The following ROBO2 variants were observed in gnomAD, a reference collection of about 807,000 sequenced individuals.
ROBO2 encodes the protein roundabout guidance receptor 2.
A neutral mutation model predicts 160.8 loss-of-function variants in ROBO2; 53 were observed. The observed-to-expected ratio is 0.33, with a 90% CI of 0.26 to 0.41. The LOEUF is 0.41. Ranked by LOEUF, ROBO2 falls within the 10% of genes least tolerant of loss-of-function variation. The pLI is 1.00. For missense variants in ROBO2, 1,577 were observed against 1,722.4 expected (o/e 0.92, Z 1.49); for synonymous variants, 664 against 611.7 (o/e 1.09, Z -1.26).
Position 77,496,592 on chromosome 3 carries a change from G to A in ROBO2, c.806+3210G>A, listed in dbSNP as rs182905869. On this transcript the variant is annotated intron_variant, in intron 5 of 25. Coordinates refer to ENST00000461745, the Ensembl canonical transcript of ROBO2. ...TGGTGTGGTGCATGACATTTCTTTG[G>A]CTTAACATTTAATGAAATTTGAATA... Among the ~76,000 whole-genome samples, 34 of 152,200 alleles carry A rather than the reference G, an allele frequency of 2.2e-4. No individual in the cohort carries two copies. In the East Asian group the frequency reaches 6.4e-3, roughly 29 times the overall value.
At chr3:76,140,010 A>G (rs529791778) in intron 2 of ROBO2, among the ~76,000 whole-genome samples, 3 of 152,246 alleles carry the variant, frequency 2.0e-5, no homozygotes, top group East Asian at 3.9e-4. Flanking sequence ...CTATTTGATA[A>G]ATGAAATTGG....
At chr3:76,239,568 G>A (rs1200185506) in intron 2 of ROBO2, among the ~76,000 whole-genome samples, 1 of 152,028 alleles carries the variant, frequency 6.6e-6, no homozygotes, top group Non-Finnish European at 1.5e-5. Context: ...TTGACCTTGG[G>A]CACATGTGTG....
chr3:77,525,781 G>A (rs1274849824), intron 6 of ROBO2, among the ~76,000 whole-genome samples: 1 of 147,816 alleles, frequency 6.8e-6, no homozygotes, highest in Non-Finnish European at 1.5e-5. Flanking sequence ...TCTCACCACA[G>A]TTTCTTTTTT....
intron 2 of ROBO2, among the ~76,000 whole-genome samples, chr3:77,336,113 G>C (rs1162259325): frequency 6.6e-6 from 1 of 152,176 alleles, no homozygotes; most frequent in Non-Finnish European, 1.5e-5. Flanking sequence ...TAATCAATGG[G>C]CAGAAATATG....
chr3:76,347,134 A>C (rs1263790006), intron 2 of ROBO2, among the ~76,000 whole-genome samples: 1 of 152,158 alleles, frequency 6.6e-6, no homozygotes, highest in African/African-American at 2.4e-5. Context: ...AAATTACTGG[A>C]AGACACACTA....
At chr3:77,180,224 C>G (rs966428112) in intron 2 of ROBO2, among the ~76,000 whole-genome samples, 3 of 151,802 alleles carry the variant, frequency 2.0e-5, no homozygotes, top group Admixed American at 1.3e-4. Flanking sequence ...TGTATAAATT[C>G]TATGTTGCAG....
intron 2 of ROBO2, among the ~76,000 whole-genome samples, chr3:76,128,040 C>T (rs769165236): frequency 5.1e-4 from 77 of 151,732 alleles, no homozygotes; most frequent in Non-Finnish European, 7.7e-4. Flanking sequence ...GGACTACAGG[C>T]GCCCACCACC....
intron 2 of ROBO2, among the ~76,000 whole-genome samples, chr3:76,835,550 A>T (rs1440853187): frequency 6.6e-6 from 1 of 151,380 alleles, no homozygotes; most frequent in Non-Finnish European, 1.5e-5. Flanking sequence ...TTTCATTGTT[A>T]CAAAGGGATC....
chr3:76,825,844 T>C (rs1391365858), intron 2 of ROBO2, among the ~76,000 whole-genome samples: 2 of 152,038 alleles, frequency 1.3e-5, no homozygotes, highest in Non-Finnish European at 2.9e-5. Context: ...CGTAACAGAT[T>C]CCTAAAACTG....
intron 2 of ROBO2, among the ~76,000 whole-genome samples, chr3:76,790,563 A>AG (rs2063294279): frequency 6.6e-6 from 1 of 151,758 alleles, no homozygotes; most frequent in Admixed American, 6.6e-5. Context: ...AGTTTAGCCT[A>AG]GCCTACCTTA....
intron 2 of ROBO2, among the ~76,000 whole-genome samples, chr3:76,008,253 AAGAAAAG>A: frequency 7.4e-6 from 1 of 135,276 alleles, no homozygotes; most frequent in African/African-American, 2.6e-5. Context: ...AAAAAAAAAA[AAGAAAAG>A]AAAAAAAAAT....
intron 2 of ROBO2, among the ~76,000 whole-genome samples, chr3:76,291,759 CT>C (rs1708815509): frequency 6.6e-6 from 1 of 152,028 alleles, no homozygotes; most frequent in African/African-American, 2.4e-5. Flanking sequence ...TGATTTATGC[CT>C]TAATTTCATT....
chr3:76,343,062 T>G (rs1469562625), intron 2 of ROBO2, among the ~76,000 whole-genome samples: 1 of 152,116 alleles, frequency 6.6e-6, no homozygotes, highest in Non-Finnish European at 1.5e-5. Flanking sequence ...CATAGGTCTT[T>G]CTCGGTAAAT....
chr3:77,506,985 G>A (rs2088630758), intron 5 of ROBO2, among the ~76,000 whole-genome samples: 1 of 152,010 alleles, frequency 6.6e-6, no homozygotes, highest in Admixed American at 6.6e-5. Context: ...TGAGATGAAT[G>A]TATATTTTTG....
intron 2 of ROBO2, among the ~76,000 whole-genome samples, chr3:77,105,936 A>G (rs56068976): frequency 0.071 from 10,848 of 152,282 alleles, 457 homozygotes; most frequent in Middle Eastern, 0.14. Flanking sequence ...AGTTCAGGAG[A>G]TAAAATATGT....
At chr3:75,939,611 A>G (rs1947950404) in intron 2 of ROBO2, among the ~76,000 whole-genome samples, 2 of 152,164 alleles carry the variant, frequency 1.3e-5, no homozygotes, top group Non-Finnish European at 2.9e-5. Context: ...CTTTGATATT[A>G]TGATTCAGGC....
intron 2 of ROBO2, among the ~76,000 whole-genome samples, chr3:76,507,703 A>T (rs909557372): frequency 1.3e-5 from 2 of 152,122 alleles, no homozygotes; most frequent in Non-Finnish European, 2.9e-5. Flanking sequence ...CCCATATTTC[A>T]CAAAAGGAGA....
At chr3:76,756,373 A>G (rs2060971001) in intron 2 of ROBO2, among the ~76,000 whole-genome samples, 1 of 151,862 alleles carries the variant, frequency 6.6e-6, no homozygotes, top group Non-Finnish European at 1.5e-5. Context: ...CCGTTTTTGA[A>G]TTGGGAATTT....
At chr3:76,592,163 A>G (rs1578375540) in intron 2 of ROBO2, among the ~76,000 whole-genome samples, 1 of 152,062 alleles carries the variant, frequency 6.6e-6, no homozygotes, top group African/African-American at 2.4e-5. Context: ...TCCTATTGCT[A>G]CCTCTCCTAG....
Sources: gnomAD v4.1 joint callset for allele counts (sites outside exome capture counted in the v4.1 genomes callset) on GRCh38, gnomAD v4.1.1 for gene constraint, MANE v1.5 for transcripts, NCBI Gene and HGNC (gene_info 2026-07-23, HGNC 2026-07-21) for gene names.